ANK3: variants seen among roughly 807,000 people sequenced by gnomAD.
ANK3 encodes the protein ankyrin-3.
A neutral mutation model predicts 370.9 loss-of-function variants in ANK3; 57 were observed. That is an observed-to-expected ratio of 0.15 (90% confidence interval 0.12 to 0.19). ANK3 has a LOEUF of 0.19. Among genes scored for constraint, ANK3 ranks in the 10% least tolerant of loss-of-function variants. ANK3 has a pLI of 1.00. For missense variants in ANK3, 4,439 were observed against 5,302.1 expected, an observed-to-expected ratio of 0.84 and a Z score of 5.06; for synonymous variants, 1,929 against 1,946.3, an observed-to-expected ratio of 0.99 and a Z score of 0.23.
chr10:60,045,319 T>C (rs886795682), intron 42 of ANK3, among the ~76,000 whole-genome samples: 2 of 152,184 alleles, frequency 1.3e-5, no homozygotes, highest in Non-Finnish European at 2.9e-5. Flanking sequence ...AAGGTCTCAC[T>C]ATGAGTTTTA....
Position 60,072,286 on chromosome 10 carries a change from A to G in ANK3, c.8595T>C (p.Ser2865=). 6.2e-7 allele frequency: 1 copy of G among 1,614,114 alleles called. No individual in the cohort carries two copies. Among genetic ancestry groups the G allele is most frequent in the South Asian group, 1.1e-5 (1 of 91,078 alleles). The change falls in exon 37 of 44, where the codon TCT becomes TCC. Residue 2865 remains serine, a synonymous_variant. Transcript: ENST00000280772. The stretch of plus-strand genomic sequence containing the variant: ...GTACATGCGAAAGTTTTTCTTTCTG[A>G]GACTTATTGTTAGTGGCTCCCGAAC... The part of the protein sequence containing the change: ...WESSGATNNK[S]QKEKLSHVLV...
At chr10:60,147,288 A>T (rs751662244) in intron 23 of ANK3, among the ~76,000 whole-genome samples, 5 of 152,016 alleles carry the variant, frequency 3.3e-5, no homozygotes, top group Non-Finnish European at 7.4e-5. Context: ...TCAGAGAAAA[A>T]CTGACAGTCC....
chr10:60,303,446 G>T (rs1351704213), intron 1 of ANK3, among the ~76,000 whole-genome samples: 1 of 152,192 alleles, frequency 6.6e-6, no homozygotes, highest in Non-Finnish European at 1.5e-5. Flanking sequence ...AGGCTGGTGT[G>T]TAAGTCTGGC....
At chr10:60,301,426 T>G (rs976035755) in intron 1 of ANK3, among the ~76,000 whole-genome samples, 1 of 149,064 alleles carries the variant, frequency 6.7e-6, no homozygotes, top group African/African-American at 2.5e-5. Flanking sequence ...TTTTTTTTTT[T>G]TTTTTGAGAC....
chr10:60,240,374 G>A (rs1172636399), intron 7 of ANK3, among the ~76,000 whole-genome samples: 9 of 140,798 alleles, frequency 6.4e-5, no homozygotes, highest in South Asian at 4.5e-4. Context: ...GCATGATTTC[G>A]GCTCACCACA....
chr10:60,136,050 AGTC>A (rs2094328063), intron 24 of ANK3, among the ~76,000 whole-genome samples: 1 of 151,806 alleles, frequency 6.6e-6, no homozygotes, highest in African/African-American at 2.4e-5. Context: ...CCACTTGCAC[AGTC>A]AGGCCCTCTG....
At chr10:60,610,927 G>T (rs544858530) in intron 2 of ANK3, among the ~76,000 whole-genome samples, 104 of 152,292 alleles carry the variant, frequency 6.8e-4, no homozygotes, top group African/African-American at 2.3e-3. Context: ...TTGTGGCTAT[G>T]CATCTTTCGG....
intron 1 of ANK3, among the ~76,000 whole-genome samples, chr10:60,680,713 A>T (rs557641746): frequency 6.6e-6 from 1 of 152,236 alleles, no homozygotes; most frequent in African/African-American, 2.4e-5. Flanking sequence ...AGCATGACCA[A>T]AATTGAATTT....
At chr10:60,699,482 ATATAGAATT>A (rs2079517056) in intron 1 of ANK3, among the ~76,000 whole-genome samples, 1 of 152,136 alleles carries the variant, frequency 6.6e-6, no homozygotes, top group South Asian at 2.1e-4. Context: ...TGTGCTACTT[ATATAGAATT>A]TATGCTGTTA....
chr10:60,506,670 A>G (rs1193089535), intron 2 of ANK3, among the ~76,000 whole-genome samples: 1 of 152,110 alleles, frequency 6.6e-6, no homozygotes, highest in Non-Finnish European at 1.5e-5. Flanking sequence ...AACTAGTAGT[A>G]TGATGCTTAT....
chr10:60,141,563 T>G (rs866431575), intron 23 of ANK3, among the ~76,000 whole-genome samples: 1 of 37,240 alleles, frequency 2.7e-5, no homozygotes, highest in Non-Finnish European at 6.6e-5. Flanking sequence ...CAATTGCTGT[T>G]TTTTTTTTTT....
At chr10:60,059,821 G>A (rs754573454) in intron 40 of ANK3, 5 of 1,614,106 alleles carry the variant, frequency 3.1e-6, no homozygotes, top group African/African-American at 2.7e-5. Context: ...ACGACTGGAG[G>A]TCCATCTGCG....
chr10:60,076,051 G>A lies in ANK3; in HGVS notation c.4830C>T (p.Pro1610=), dbSNP rs1252717384. The A allele has an allele frequency of 6.2e-7, 1 of 1,614,206 alleles. No individual in the cohort carries two copies. The highest frequency in any genetic ancestry group is 8.5e-7 in the Non-Finnish European group (1 of 1,180,016). Residue 1610 remains proline, a synonymous_variant, in exon 37 of 44, where the codon CCC becomes CCT. Transcript: ENST00000280772. ...TAGAATTGGATGCCAGCCCTTTTAA[G>A]GGCGTAGCTTCCGTGACTGCTGGAG... The part of the protein sequence containing the change: ...ARAPAVTEAT[P]LKGLASNSTF...
At chr10:60,145,365 CT>C (rs2094764198) in intron 23 of ANK3, among the ~76,000 whole-genome samples, 1 of 152,122 alleles carries the variant, frequency 6.6e-6, no homozygotes, top group Non-Finnish European at 1.5e-5. Context: ...TCAAACTTGA[CT>C]TAAATTTACT....
rs913578781 is a variant in ANK3, at chr10:60,667,622, A to AT, written c.58-52399dup. Reference sequence around the variant, plus strand: ...TATTTTTACACTTTACAACCTTGTCATTTTTTTGTTCCCTTTGTAACCTAG... The same window carrying AT: ...TATTTTTACACTTTACAACCTTGTCATTTTTTTTGTTCCCTTTGTAACCTAG... On this transcript the variant is annotated intron_variant, in intron 1 of 43. Transcript: ENST00000373827. 7.3e-5 allele frequency among the ~76,000 whole-genome samples: 11 copies of AT among 151,436 alleles called. 2 individuals are homozygous for AT. The highest frequency in any genetic ancestry group is 2.7e-4 in the African/African-American group (11 of 40,748).
chr10:60,492,152 A>T (rs1368312292), intron 2 of ANK3, among the ~76,000 whole-genome samples: 2 of 152,214 alleles, frequency 1.3e-5, no homozygotes, highest in African/African-American at 4.8e-5. Flanking sequence ...CTGGATGTGC[A>T]GTAGGCTATA....
chr10:60,410,529 T>C (rs945040005), intron 2 of ANK3, among the ~76,000 whole-genome samples: 1 of 152,148 alleles, frequency 6.6e-6, no homozygotes, highest in African/African-American at 2.4e-5. Context: ...CAAACTTTGG[T>C]TGGTGTAGCA....
chr10:60,080,703 T>G (rs2132001700), intron 35 of ANK3, 85 bp from the exon 36 acceptor site: 2 of 1,003,058 alleles, frequency 2.0e-6, no homozygotes, highest in African/African-American at 1.6e-5. Context: ...GGATGGCATG[T>G]TGATAACTTG....
upstream of ANK3, among the ~76,000 whole-genome samples, chr10:60,393,516 C>T (rs773335125): frequency 2.0e-5 from 3 of 152,046 alleles, no homozygotes; most frequent in Admixed American, 6.5e-5. Context: ...AATGGGCATA[C>T]TCCAGATAAC....
Sources: gnomAD v4.1 joint callset for allele counts (sites outside exome capture counted in the v4.1 genomes callset) on GRCh38, gnomAD v4.1.1 for gene constraint, MANE v1.5 for transcripts, NCBI Gene and HGNC (gene_info 2026-07-23, HGNC 2026-07-21) for gene names.